The following ANK2 variants were observed in gnomAD, a reference collection of about 807,000 sequenced individuals.
ANK2 encodes the protein ankyrin-2.
ANK2 carries 83 observed loss-of-function variants against 360.5 expected under a neutral mutation model. That is an observed-to-expected ratio of 0.23 (90% CI 0.19 to 0.28). The LOEUF is 0.28. Among genes scored for constraint, ANK2 ranks in the 10% least tolerant of loss-of-function variants. The probability of loss-of-function intolerance (pLI) is 1.00; values close to 1 mark genes in which losing one functional copy is unlikely to be tolerated. For synonymous variants in ANK2, 1,740 were observed against 1,759.5 expected (o/e 0.99, Z 0.28); for missense variants, 4,201 against 4,795.7 (o/e 0.88, Z 3.66).
chr4:113,102,486 C>T (rs2093020635), intron 1 of ANK2, among the ~76,000 whole-genome samples: 1 of 152,018 alleles, frequency 6.6e-6, no homozygotes, highest in Non-Finnish European at 1.5e-5. Flanking sequence ...GCAGATGCTG[C>T]TGGTGGGGCG....
At chr4:113,325,746 G>C (rs114476657) in intron 26 of ANK2, among the ~76,000 whole-genome samples, 43 of 152,174 alleles carry the variant, frequency 2.8e-4, no homozygotes, top group Non-Finnish European at 4.3e-4. Context: ...GTAAAATCCC[G>C]TAAGTGTAGA....
intron 1 of ANK2, among the ~76,000 whole-genome samples, chr4:112,822,781 G>C (rs969311970): frequency 2.0e-5 from 3 of 149,918 alleles, no homozygotes; most frequent in African/African-American, 7.4e-5. Context: ...ACAAAACAAA[G>C]AAAGAAAGAT....
At chr4:113,010,393 A>G (rs1027273876) in intron 2 of ANK2, among the ~76,000 whole-genome samples, 1 of 152,184 alleles carries the variant, frequency 6.6e-6, no homozygotes, top group African/African-American at 2.4e-5. Context: ...TAATGTATGT[A>G]TGTTTTAAAA....
chr4:112,726,470 T>G, the ANK2 span, among the ~76,000 whole-genome samples: 1 of 152,146 alleles, frequency 6.6e-6, no homozygotes, highest in African/African-American at 2.4e-5. Flanking sequence ...CAAGCTGTAT[T>G]CAGTATTATT....
chr4:113,381,380 A>G, intron 45 of ANK2, 77 bp from the exon 46 acceptor site: 3 of 1,513,046 alleles, frequency 2.0e-6, no homozygotes, highest in Non-Finnish European at 2.8e-6. Context: ...TACTCAGTGT[A>G]ATGGTCACCT....
chr4:112,960,611 A>C lies in ANK2; in HGVS notation c.21+56097A>C, dbSNP rs551189581. Among the ~76,000 whole-genome samples, 11 of 152,332 alleles carry C rather than the reference A, an allele frequency of 7.2e-5. No individual in the cohort carries two copies. In the South Asian group the frequency reaches 1.4e-3, roughly 20 times the overall value. ...CAATGTCCCAAATTAGATTGTATTT[A>C]ATTCAAGACGAAAATTAAATTGAGT... On this transcript the variant is annotated intron_variant, in intron 2 of 30. Coordinates refer to the ANK2 transcript ENST00000503271.
chr4:113,347,891 C>T, intron 35 of ANK2: 1 of 197,870 alleles, frequency 5.1e-6, no homozygotes, highest in Admixed American at 5.4e-5. Flanking sequence ...AATTTTCCAC[C>T]ATATGCTTAT....
chr4:113,363,435 G>A lies in ANK2; in HGVS notation c.10854G>A (p.Lys3618=). The change falls in exon 40 of 46, where the codon AAG becomes AAA. Residue 3618 remains lysine (K), a synonymous_variant. Coordinates refer to ENST00000357077, the MANE Select transcript of ANK2 (RefSeq NM_001148.6). ...SLQDQSHALL[K]YWLERDGKHA... Reference sequence around the variant, plus strand: ...AAGACCAGAGTCATGCACTGTTGAAGTACTGGCTAGAGAGGGATGGGAAAC... The same window carrying A: ...AAGACCAGAGTCATGCACTGTTGAAATACTGGCTAGAGAGGGATGGGAAAC... 6.2e-7 allele frequency: 1 copy of A among 1,613,566 alleles called. No homozygotes were observed. The highest frequency in any genetic ancestry group is 8.5e-7 in the Non-Finnish European group (1 of 1,179,638).
Position 113,381,716 on chromosome 4 carries a change from C to G in ANK2, c.*245C>G. 6.9e-7 allele frequency: 1 copy of G among 1,443,628 alleles called. No individual in the cohort carries two copies. Among genetic ancestry groups the G allele is most frequent in the Non-Finnish European group, 9.4e-7 (1 of 1,069,100 alleles). The allele number at this position is 1,443,628 out of a possible 1,614,324, so 89.4% of individuals were successfully genotyped here. On this transcript the variant is annotated 3_prime_UTR_variant, in exon 46 of 46. Transcript: ENST00000357077. Reference sequence around the variant, plus strand: ...CTTCCTGTTTCAGTAGGGGAGTGACCTAACTGGCCTAATTAATGGGATACC... The same window carrying G: ...CTTCCTGTTTCAGTAGGGGAGTGACGTAACTGGCCTAATTAATGGGATACC...
chr4:113,166,921 G>A (rs1026531771), intron 1 of ANK2, among the ~76,000 whole-genome samples: 2 of 151,988 alleles, frequency 1.3e-5, no homozygotes, highest in African/African-American at 4.8e-5. Context: ...TGCAATTTTT[G>A]TAATTACAAA....
chr4:112,998,645 A>G (rs941561887), intron 2 of ANK2, among the ~76,000 whole-genome samples: 1 of 152,194 alleles, frequency 6.6e-6, no homozygotes, highest in Non-Finnish European at 1.5e-5. Flanking sequence ...GTTGGTTAAA[A>G]AAATTAGAGT....
the ANK2 span, among the ~76,000 whole-genome samples, chr4:112,743,203 G>A: frequency 6.6e-6 from 1 of 152,166 alleles, no homozygotes; most frequent in Non-Finnish European, 1.5e-5. Flanking sequence ...ACAGAAACAT[G>A]AAAGTGCGGG....
At chr4:113,249,649 T>G in intron 9 of ANK2, 115 bp from the exon 10 acceptor site, 1 of 943,212 alleles carries the variant, frequency 1.1e-6, no homozygotes, top group Non-Finnish European at 1.7e-6. Flanking sequence ...GTTCTATTAC[T>G]TATTTATTGA....
At chr4:112,752,794 T>G in the ANK2 span, among the ~76,000 whole-genome samples, 1 of 152,084 alleles carries the variant, frequency 6.6e-6, no homozygotes, top group Non-Finnish European at 1.5e-5. Flanking sequence ...GCCTCCTGAG[T>G]AGCTAAGACT....
chr4:112,818,424 G>A (rs760350461), intron 1 of ANK2, among the ~76,000 whole-genome samples: 1 of 152,192 alleles, frequency 6.6e-6, no homozygotes, highest in Non-Finnish European at 1.5e-5. Context: ...AGGCAGCGCT[G>A]ATGTGCAAAT....
intron 1 of ANK2, among the ~76,000 whole-genome samples, chr4:112,901,001 C>G (rs1447309258): frequency 1.3e-5 from 2 of 152,122 alleles, no homozygotes; most frequent in African/African-American, 2.4e-5. Flanking sequence ...GTTTTGAATA[C>G]CAGTTGAGAT....
chr4:113,231,211 C>G (rs1318141117), intron 4 of ANK2, among the ~76,000 whole-genome samples: 5 of 151,958 alleles, frequency 3.3e-5, no homozygotes, highest in Non-Finnish European at 7.4e-5. Flanking sequence ...GCCACCACGC[C>G]TGGTTAATTT....
At chr4:112,908,138 C>T (rs2085881204) in intron 2 of ANK2, among the ~76,000 whole-genome samples, 2 of 151,876 alleles carry the variant, frequency 1.3e-5, no homozygotes, top group African/African-American at 4.8e-5. Flanking sequence ...GGTAGAAAAG[C>T]CAATATAAGA....
At chr4:113,377,207 G>A (rs1347383037) in intron 45 of ANK2, among the ~76,000 whole-genome samples, 1 of 152,004 alleles carries the variant, frequency 6.6e-6, no homozygotes, top group African/African-American at 2.4e-5. Context: ...CAAGTATTAT[G>A]TACCCTACAT....
Sources: allele counts gnomAD v4.1 joint callset (sites outside exome capture counted in the v4.1 genomes callset), GRCh38; gene constraint gnomAD v4.1.1; transcripts MANE v1.5; gene names NCBI Gene and HGNC (gene_info 2026-07-23, HGNC 2026-07-21).